ZNF792: variants seen among roughly 807,000 people sequenced by gnomAD.
ZNF792 encodes the protein zinc finger protein 792.
Under a neutral mutation model 13.1 loss-of-function variants are expected in ZNF792, and 14 were observed. The observed-to-expected ratio is 1.07, with a 90% CI of 0.71 to 1.67. The LOEUF is 1.67. ZNF792 is among the 40% of genes most tolerant of loss of function. ZNF792 has a pLI of 0.00. For synonymous variants in ZNF792, 257 were observed against 292.0 expected (o/e 0.88, Z 1.22); for missense variants, 740 against 807.9 (o/e 0.92, Z 1.02).
In ZNF792 at chr19:34,957,226, A is replaced by T. The variant is rs900045091; in HGVS notation, c.*730T>A. 6.6e-6 allele frequency: 1 copy of T among 152,262 alleles called. No homozygotes were observed. The highest frequency in any genetic ancestry group is 2.4e-5 in the African/African-American group (1 of 41,458). 9.4% of individuals were successfully genotyped at this position (152,262 alleles called of 1,614,324 possible). A position where few individuals can be genotyped will look rare whatever the true frequency, so the allele number is the denominator to read the frequency against. On this transcript the variant is annotated 3_prime_UTR_variant, in exon 4 of 4. Transcript: ENST00000404801. The stretch of plus-strand genomic sequence containing the variant: ...CCCAATTCATGCTGTTCCCACATGC[A>T]CTGGAGGTTGTCACAACTGCCCCCT...
chr19:34,957,973 G>C lies in ZNF792; in HGVS notation c.1882C>G (p.Pro628Ala), dbSNP rs542559557. ...TAGCATTCCTAGGGAACCTCCCCAG[G>C]GTGGGTACTTGGATGAACAAGTTTC... ...KLKLVHPSTH[P>A]GEVP Residue 628 changes from proline to alanine, a missense_variant, in exon 4 of 4, where the codon CCT (proline) becomes GCT (alanine). Physicochemically the swap from Pro to Ala is conservative, Grantham distance 27. Transcript: ENST00000404801. 1.2e-6 allele frequency: 2 copies of C among 1,607,416 alleles called. No homozygotes were observed. The highest frequency in any genetic ancestry group is 1.1e-5 in the South Asian group (1 of 90,358).
chr19:34,962,973 T>C (rs939856168), intron 1 of ZNF792, among the ~76,000 whole-genome samples: 1 of 152,096 alleles, frequency 6.6e-6, no homozygotes, highest in African/African-American at 2.4e-5. Context: ...CATCGGAAAA[T>C]TTGGTCAGCT....
intron 2 of ZNF792, 95 bp from the exon 3 acceptor site, chr19:34,960,452 G>A (rs1369236135): frequency 2.0e-6 from 3 of 1,486,130 alleles, no homozygotes; most frequent in African/African-American, 1.4e-5. Context: ...ATGACACAGG[G>A]ACATTGGGTG....
rs144100790 is a variant in ZNF792 at position 34,958,722 on chromosome 19, C to T, written c.1133G>A (p.Arg378His). Residue 378 changes from arginine to histidine, a missense_variant, in exon 4 of 4, where the codon CGT becomes CAT. Coordinates refer to ENST00000404801, the MANE Select transcript of ZNF792 (RefSeq NM_175872.5). ...CSDCGKFFSQ[R>H]SNLIHHKRVH... ...CCTCTTATGATGAATGAGGTTGGAA[C>T]GCTGGCTGAAGAACTTCCCACAGTC... The T allele has an allele frequency of 8.1e-5, 130 of 1,613,972 alleles. 1 individual carries two copies. The highest frequency in any genetic ancestry group is 7.4e-4 in the South Asian group (67 of 91,084).
chr19:34,962,990 A>G (rs1320962587), intron 1 of ZNF792, among the ~76,000 whole-genome samples: 1 of 152,144 alleles, frequency 6.6e-6, no homozygotes, highest in East Asian at 1.9e-4. Flanking sequence ...AGCTTGACTT[A>G]AAAGACATCA....
In ZNF792 at chr19:34,958,961, A is replaced by C; in HGVS notation, c.894T>G (p.Thr298=). 1 of 1,614,144 alleles carries C rather than the reference A, an allele frequency of 6.2e-7. No individual in the cohort carries two copies. Among genetic ancestry groups the C allele is most frequent in the Non-Finnish European group, 8.5e-7 (1 of 1,179,990 alleles). Residue 298 remains threonine, a synonymous_variant, in exon 4 of 4, where the codon ACT becomes ACG. Coordinates refer to ENST00000404801, the MANE Select transcript of ZNF792 (RefSeq NM_175872.5). ...CTCTATTGTGAACTTTCTGGTGTTGAGTGAGGTCAGCGGCGTAAGTGAAGA... is the reference window on the plus strand; with the variant it reads ...CTCTATTGTGAACTTTCTGGTGTTGCGTGAGGTCAGCGGCGTAAGTGAAGA... ...GIFFTYAADL[T]QHQKVHNRGK...
intron 1 of ZNF792, among the ~76,000 whole-genome samples, chr19:34,962,108 A>C (rs143941141): frequency 1.1e-3 from 171 of 152,192 alleles, no homozygotes; most frequent in African/African-American, 3.9e-3. Flanking sequence ...TCAGTTTTCC[A>C]GCCCCACCTT....
chr19:34,963,755 C>A lies in ZNF792; in HGVS notation c.-93G>T. The A allele has an allele frequency of 7.3e-7, 1 of 1,377,278 alleles. No individual in the cohort carries two copies. The highest frequency in any genetic ancestry group is 9.7e-7 in the Non-Finnish European group (1 of 1,027,924). The allele number at this position is 1,377,278 out of a possible 1,614,324, so 85.3% of individuals were successfully genotyped here. The stretch of plus-strand genomic sequence containing the variant: ...AGGCTGAGGCTACCACCCACCTGGC[C>A]GTGCCCCAGACGAGGTGTGACCCCG... On this transcript the variant is annotated 5_prime_UTR_variant, in exon 1 of 4. Transcript: ENST00000404801.
At position 34,959,379 on chromosome 19, in the gene ZNF792, G is replaced by T; in HGVS notation, c.476C>A (p.Pro159Gln). Reference sequence around the variant, plus strand: ...TTTCACATATGCCTCACACACAAATGGTTTCTGCCTGGGATGTGTTGTCTG... The same window carrying T: ...TTTCACATATGCCTCACACACAAATTGTTTCTGCCTGGGATGTGTTGTCTG... ...EHQTTHPRQK[P>Q]FVCEAYVKGS... Residue 159 changes from proline to glutamine, a missense_variant, in exon 4 of 4, where the codon CCA (proline) becomes CAA (glutamine). By Grantham distance (76) the Pro-to-Gln change is moderately conservative (BLOSUM62 -1). Coordinates refer to ENST00000404801, the MANE Select transcript of ZNF792 (RefSeq NM_175872.5). The T allele has an allele frequency of 6.2e-7, 1 of 1,614,120 alleles. No individual in the cohort carries two copies. Among genetic ancestry groups the T allele is most frequent in the South Asian group, 1.1e-5 (1 of 91,084 alleles).
chr19:34,960,947 C>G lies in ZNF792; in HGVS notation c.81G>C (p.Glu27Asp). The G allele has an allele frequency of 6.2e-7, 1 of 1,614,036 alleles. No individual in the cohort carries two copies. ...TCTGAGCCTCATCGAGGAGCACCCACTCCTCCTGGGAGAAGTAAATGGTCA... is the reference window on the plus strand; with the variant it reads ...TCTGAGCCTCATCGAGGAGCACCCAGTCCTCCTGGGAGAAGTAAATGGTCA... ...EDVTIYFSQEEWVLLDEAQRL... is the reference protein window; with the variant it reads ...EDVTIYFSQEDWVLLDEAQRL... Residue 27 changes from glutamate to aspartate, a missense_variant, in exon 2 of 4, where the codon GAG becomes GAC. Glu to Asp is a conservative substitution (Grantham distance 45). Coordinates refer to ENST00000404801, the MANE Select transcript of ZNF792 (RefSeq NM_175872.5).
At chr19:34,960,206 A>T in intron 3 of ZNF792, 29 bp downstream of exon 3, 1 of 1,609,236 alleles carries the variant, frequency 6.2e-7, no homozygotes, top group Non-Finnish European at 8.5e-7. Context: ...GTGAAGTCAC[A>T]TCCTCCCCTA....
At position 34,963,832 on chromosome 19, in the gene ZNF792, G is replaced by A. The variant is rs771408797; in HGVS notation, c.-170C>T. Reference sequence around the variant, plus strand: ...GTCTCCCCCGTGCAAAATGCGCAAGGGGCCCGGGGCGCAGGCTCCGGGGGC... The same window carrying A: ...GTCTCCCCCGTGCAAAATGCGCAAGAGGCCCGGGGCGCAGGCTCCGGGGGC... On this transcript the variant is annotated 5_prime_UTR_variant, in exon 1 of 4. Transcript: ENST00000404801. The A allele has an allele frequency of 1.3e-5, 10 of 745,678 alleles. No individual in the cohort carries two copies. The highest frequency in any genetic ancestry group is 1.1e-4 in the African/African-American group (6 of 54,390). The allele number at this position is 745,678 out of a possible 1,614,324, so 46.2% of individuals were successfully genotyped here. A position where few individuals can be genotyped will look rare whatever the true frequency, so the allele number is the denominator to read the frequency against.
chr19:34,963,963 A>C lies in ZNF792; in HGVS notation c.-301T>G. The C allele has an allele frequency of 2.7e-6, 1 of 369,912 alleles. No homozygotes were observed. The allele number at this position is 369,912 out of a possible 1,614,324, so 22.9% of individuals were successfully genotyped here. A position where few individuals can be genotyped will look rare whatever the true frequency, so the allele number is the denominator to read the frequency against. On this transcript the variant is annotated 5_prime_UTR_variant, in exon 1 of 4. Coordinates refer to ENST00000404801, the MANE Select transcript of ZNF792 (RefSeq NM_175872.5). ...TCACTGTCCCCCTCGCGGTCCGGGA[A>C]AGCCGGCGGGGCAGCTTCACGGGCG...
chr19:34,963,613 A>G lies in ZNF792; in HGVS notation c.33+17T>C. On this transcript the variant is annotated intron_variant, in intron 1 of 3. Transcript: ENST00000404801. ...GTGGGGGGCCGACAGCGAAGGGCCT[A>G]ACGTCCAAGCACTCACCTGCGCGGG... 1 of 1,601,674 alleles carries G rather than the reference A, an allele frequency of 6.2e-7. No homozygotes were observed. Among genetic ancestry groups the G allele is most frequent in the Non-Finnish European group, 8.5e-7 (1 of 1,175,258 alleles).
Position 34,958,386 on chromosome 19 carries a change from C to T in ZNF792, c.1469G>A (p.Ser490Asn), listed in dbSNP as rs151167641. The T allele has an allele frequency of 3.1e-6, 5 of 1,613,730 alleles. No homozygotes were observed. The African/African-American group carries it at 5.3e-5, about 17-fold the overall frequency. Residue 490 changes from serine to asparagine, a missense_variant, in exon 4 of 4, where the codon AGC becomes AAC. By Grantham distance (46) the Ser-to-Asn change is conservative. Coordinates refer to ENST00000404801, the MANE Select transcript of ZNF792 (RefSeq NM_175872.5). ...TCTCCGATGGCTATTGAGGCTGGAG[C>T]TCTGGCTAAATAACTTCCCACATTC... ...CNECGKLFSQ[S>N]SSLNSHRRLH...
chr19:34,960,689 C>T, intron 2 of ZNF792, 179 bp downstream of exon 2: 1 of 963,158 alleles, frequency 1.0e-6, no homozygotes, highest in Non-Finnish European at 1.5e-6. Flanking sequence ...GGGGGCAGCT[C>T]AGGGAGAGGA....
rs187768648 is a variant in ZNF792, at chr19:34,958,870, G to A, written c.985C>T (p.Arg329Cys). ...GGGCTTTCACCGGTGTGAACCCTGCGATGTTTAACAAGGCTGGAGTGCTGG... is the reference window on the plus strand; with the variant it reads ...GGGCTTTCACCGGTGTGAACCCTGCAATGTTTAACAAGGCTGGAGTGCTGG... ...FSQHSSLVKH[R>C]RVHTGESPHV... The change falls in exon 4 of 4, where the codon CGC (arginine) becomes TGC (cysteine). Residue 329 changes from arginine (R) to cysteine (C), a missense_variant. Transcript: ENST00000404801. 7.4e-5 allele frequency: 119 copies of A among 1,613,558 alleles called. No individual in the cohort carries two copies. The highest frequency in any genetic ancestry group is 5.3e-4 in the Admixed American group (32 of 60,004).
Position 34,957,809 on chromosome 19 carries a change from G to A in ZNF792, c.*147C>T, listed in dbSNP as rs183034608. The A allele has an allele frequency of 1.6e-5, 12 of 741,814 alleles. No individual in the cohort carries two copies. The African/African-American group carries it at 2.1e-4, about 13-fold the overall frequency. The allele number at this position is 741,814 out of a possible 1,614,324, so 46.0% of individuals were successfully genotyped here. On this transcript the variant is annotated 3_prime_UTR_variant, in exon 4 of 4. Transcript: ENST00000404801. Reference sequence around the variant, plus strand: ...GAGGTCTGCCTTCCCTGAGCACAGTGGAGTGGTGGACACACTCTTTGGAGA... The same window carrying A: ...GAGGTCTGCCTTCCCTGAGCACAGTAGAGTGGTGGACACACTCTTTGGAGA...
rs1015348276 is a variant in ZNF792 at position 34,963,912 on chromosome 19, G to A, written c.-250C>T. ...CCCGTTGCAAGGGGTCACGGCTGGTGCAAAGGCGCGGAGGGGGTCCCGGCC... is the reference window on the plus strand; with the variant it reads ...CCCGTTGCAAGGGGTCACGGCTGGTACAAAGGCGCGGAGGGGGTCCCGGCC... On this transcript the variant is annotated 5_prime_UTR_variant, in exon 1 of 4. Coordinates refer to ENST00000404801, the MANE Select transcript of ZNF792 (RefSeq NM_175872.5). 1 of 475,678 alleles carries A rather than the reference G, an allele frequency of 2.1e-6. No homozygotes were observed. The highest frequency in any genetic ancestry group is 2.0e-5 in the African/African-American group (1 of 48,946). 29.5% of individuals were successfully genotyped at this position (475,678 alleles called of 1,614,324 possible). A position where few individuals can be genotyped will look rare whatever the true frequency, so the allele number is the denominator to read the frequency against.
Sources: allele counts gnomAD v4.1 joint callset (sites outside exome capture counted in the v4.1 genomes callset), GRCh38; gene constraint gnomAD v4.1.1; transcripts MANE v1.5; gene names NCBI Gene and HGNC (gene_info 2026-07-23, HGNC 2026-07-21).